STXBP5L: variants seen among roughly 807,000 people sequenced by gnomAD.
STXBP5L encodes syntaxin binding protein 5L.
Under a neutral mutation model 144.5 loss-of-function variants are expected in STXBP5L, and 65 were observed. That is an observed-to-expected ratio of 0.45 (90% CI 0.37 to 0.55). The LOEUF (loss-of-function observed/expected upper bound fraction) is 0.55, where lower values mean the gene tolerates loss of function less well. Ranked by LOEUF, STXBP5L falls within the 20% of genes least tolerant of loss-of-function variation. STXBP5L has a pLI of 0.00. For missense variants in STXBP5L, 1,298 were observed against 1,405.5 expected (o/e 0.92, Z 1.22); for synonymous variants, 505 against 469.6 (o/e 1.08, Z -0.97).
intron 9 of STXBP5L, among the ~76,000 whole-genome samples, chr3:121,202,039 A>T (rs968520077): frequency 5.9e-5 from 9 of 152,198 alleles, no homozygotes; most frequent in African/African-American, 2.2e-4. Context: ...TACAGGAATC[A>T]GCCATTGTGC....
At position 121,420,496 on chromosome 3, in the gene STXBP5L, C is replaced by T. The variant is rs1348131796; in HGVS notation, c.*1399C>T. 6.6e-6 allele frequency: 1 copy of T among 151,958 alleles called. No homozygotes were observed. Among genetic ancestry groups the T allele is most frequent in the African/African-American group, 2.4e-5 (1 of 41,366 alleles). The allele number at this position is 151,958 out of a possible 1,614,324, so 9.4% of individuals were successfully genotyped here. A position where few individuals can be genotyped will look rare whatever the true frequency, so the allele number is the denominator to read the frequency against. On this transcript the variant is annotated 3_prime_UTR_variant, in exon 27 of 27. Coordinates refer to ENST00000471454, the MANE Select transcript of STXBP5L (RefSeq NM_001308330.2). ...CTTTTAAAGCTGGAATAAAGAATATCCTTAACATGATACAAGGTATCTATA... is the reference window on the plus strand; with the variant it reads ...CTTTTAAAGCTGGAATAAAGAATATTCTTAACATGATACAAGGTATCTATA...
At chr3:120,979,090 A>T (rs1441814583) in intron 3 of STXBP5L, among the ~76,000 whole-genome samples, 1 of 152,186 alleles carries the variant, frequency 6.6e-6, no homozygotes, top group Non-Finnish European at 1.5e-5. Context: ...TCAGACAGGG[A>T]CATTTAAGTC....
At chr3:121,298,784 A>G (rs901351411) in intron 19 of STXBP5L, among the ~76,000 whole-genome samples, 1 of 152,338 alleles carries the variant, frequency 6.6e-6, no homozygotes. Flanking sequence ...GCTACTGTTC[A>G]GTGGATACAC....
chr3:121,015,779 A>G (rs1193524044), intron 3 of STXBP5L, among the ~76,000 whole-genome samples: 1 of 152,196 alleles, frequency 6.6e-6, no homozygotes, highest in African/African-American at 2.4e-5. Flanking sequence ...AGGTAGGGGA[A>G]GGGCATTGCT....
chr3:121,072,256 C>T (rs2041840414), intron 5 of STXBP5L, among the ~76,000 whole-genome samples: 1 of 152,214 alleles, frequency 6.6e-6, no homozygotes, highest in Admixed American at 6.5e-5. Flanking sequence ...GTACCAGTAG[C>T]CTCTGGCTTG....
intron 3 of STXBP5L, among the ~76,000 whole-genome samples, chr3:121,002,929 C>T (rs1943915322): frequency 6.6e-6 from 1 of 152,114 alleles, no homozygotes; most frequent in Non-Finnish European, 1.5e-5. Flanking sequence ...TGTATATGTG[C>T]AACATTTTCT....
intron 3 of STXBP5L, among the ~76,000 whole-genome samples, chr3:121,038,355 C>T (rs1213322926): frequency 2.6e-5 from 4 of 151,846 alleles, no homozygotes; most frequent in Admixed American, 6.6e-5. Context: ...AAATTATCTA[C>T]TGTTTTTTAT....
At chr3:121,078,835 C>T (rs962103588) in intron 5 of STXBP5L, among the ~76,000 whole-genome samples, 1 of 152,268 alleles carries the variant, frequency 6.6e-6, no homozygotes, top group Non-Finnish European at 1.5e-5. Flanking sequence ...GCAGGGCTGG[C>T]CGGCTGCTCT....
intron 3 of STXBP5L, among the ~76,000 whole-genome samples, chr3:120,975,220 G>C (rs1416599219): frequency 2.6e-5 from 4 of 152,048 alleles, no homozygotes; most frequent in African/African-American, 9.7e-5. Context: ...TTATTTCCTT[G>C]AGCAGTGGTT....
At chr3:120,986,872 G>A (rs1428865326) in intron 3 of STXBP5L, among the ~76,000 whole-genome samples, 1 of 151,868 alleles carries the variant, frequency 6.6e-6, no homozygotes, top group Non-Finnish European at 1.5e-5. Context: ...CTTGAAGATA[G>A]CGCAATGAAA....
At chr3:121,321,731 C>T (rs1160652034) in intron 20 of STXBP5L, among the ~76,000 whole-genome samples, 2 of 152,114 alleles carry the variant, frequency 1.3e-5, no homozygotes, top group African/African-American at 4.8e-5. Context: ...AGCTCTCACC[C>T]CTTTAAATCT....
intron 5 of STXBP5L, among the ~76,000 whole-genome samples, chr3:121,097,109 T>A (rs1175345368): frequency 6.6e-6 from 1 of 152,226 alleles, no homozygotes; most frequent in Non-Finnish European, 1.5e-5. Flanking sequence ...TCAAACTTCC[T>A]GGCTGCTTTG....
intron 3 of STXBP5L, among the ~76,000 whole-genome samples, chr3:120,978,325 A>G (rs938166963): frequency 2.0e-5 from 3 of 152,042 alleles, no homozygotes; most frequent in Non-Finnish European, 4.4e-5. Context: ...CCTTTCTTCC[A>G]GTTGTTCGCA....
At chr3:121,302,115 G>T (rs1320894937) in intron 19 of STXBP5L, among the ~76,000 whole-genome samples, 10 of 152,126 alleles carry the variant, frequency 6.6e-5, no homozygotes, top group Non-Finnish European at 2.9e-5. Flanking sequence ...AGTTTCAGAA[G>T]GAATGATACC....
intron 3 of STXBP5L, among the ~76,000 whole-genome samples, chr3:121,014,076 C>T (rs1490958552): frequency 6.6e-6 from 1 of 151,970 alleles, no homozygotes; most frequent in South Asian, 2.1e-4. Flanking sequence ...TAATATGATG[C>T]CTCCAGCTTT....
At chr3:121,135,156 G>A (rs1419150144) in intron 7 of STXBP5L, among the ~76,000 whole-genome samples, 1 of 152,174 alleles carries the variant, frequency 6.6e-6, no homozygotes, top group East Asian at 1.9e-4. Flanking sequence ...CTGATGGCCA[G>A]TGATGATGAG....
chr3:120,976,054 C>A (rs1940959466), intron 3 of STXBP5L, among the ~76,000 whole-genome samples: 1 of 152,042 alleles, frequency 6.6e-6, no homozygotes, highest in South Asian at 2.1e-4. Flanking sequence ...ATGATGCTGG[C>A]CTCATAAAAT....
intron 9 of STXBP5L, among the ~76,000 whole-genome samples, chr3:121,161,392 G>A (rs766282267): frequency 3.0e-4 from 45 of 152,058 alleles, no homozygotes; most frequent in South Asian, 8.3e-4. Flanking sequence ...TGAGGAATCT[G>A]TAGTAGCTTG....
At chr3:120,988,625 GTTGA>G (rs1942530514) in intron 3 of STXBP5L, among the ~76,000 whole-genome samples, 1 of 151,998 alleles carries the variant, frequency 6.6e-6, no homozygotes, top group Admixed American at 6.6e-5. Flanking sequence ...GATACTGTTG[GTTGA>G]TTGTGTTGTT....
Sources: gnomAD v4.1 joint callset for allele counts (sites outside exome capture counted in the v4.1 genomes callset) on GRCh38, gnomAD v4.1.1 for gene constraint, MANE v1.5 for transcripts, NCBI Gene and HGNC (gene_info 2026-07-23, HGNC 2026-07-21) for gene names.